Variants in GDAP2 observed in about 807,000 individuals in gnomAD.
The protein encoded by GDAP2 is ganglioside induced differentiation associated protein 2, also known as ganglioside-induced differentiation-associated protein 2.
Under a neutral mutation model 67.0 loss-of-function variants are expected in GDAP2, and 51 were observed. The ratio of observed to expected loss-of-function variants is 0.76; its 90% CI spans 0.61 to 0.96. GDAP2 has a LOEUF of 0.96. GDAP2 is among the 40% of genes least tolerant of loss of function. The pLI is 0.00. For synonymous variants in GDAP2, 203 were observed against 207.3 expected (o/e 0.98, Z 0.18); for missense variants, 547 against 588.3 (o/e 0.93, Z 0.73).
chr1:117,929,243 T>C (rs1353445621), intron 1 of GDAP2, among the ~76,000 whole-genome samples: 1 of 152,080 alleles, frequency 6.6e-6, no homozygotes, highest in African/African-American at 2.4e-5. Flanking sequence ...CTTTCACTTC[T>C]CGTAGAGACG....
intron 1 of GDAP2, among the ~76,000 whole-genome samples, chr1:117,927,599 G>C (rs545417948): frequency 6.6e-6 from 1 of 152,238 alleles, no homozygotes; most frequent in Non-Finnish European, 1.5e-5. Context: ...ATGAGGATAT[G>C]TGTGCATACC....
intron 3 of GDAP2, among the ~76,000 whole-genome samples, chr1:117,915,818 A>G (rs1241273841): frequency 6.6e-6 from 1 of 152,336 alleles, no homozygotes; most frequent in African/African-American, 2.4e-5. Context: ...ATTGATGCTT[A>G]GATACTAACT....
At chr1:117,876,468 C>G (rs575494945) in intron 13 of GDAP2, among the ~76,000 whole-genome samples, 82 of 152,280 alleles carry the variant, frequency 5.4e-4, no homozygotes, top group Admixed American at 1.0e-3. Context: ...TCCCTTACAG[C>G]AACAAAGAAA....
At chr1:117,874,839 G>A (rs1648400194) in intron 13 of GDAP2, among the ~76,000 whole-genome samples, 1 of 152,174 alleles carries the variant, frequency 6.6e-6, no homozygotes, top group Non-Finnish European at 1.5e-5. Flanking sequence ...GGTCATCCTT[G>A]TTACACCCTA....
chr1:117,911,391 A>G (rs1015611582), intron 5 of GDAP2, among the ~76,000 whole-genome samples: 17 of 152,204 alleles, frequency 1.1e-4, no homozygotes, highest in African/African-American at 3.6e-4. Context: ...TACAAATATG[A>G]TATCATGAAA....
chr1:117,886,632 G>T lies in GDAP2; in HGVS notation c.1052C>A (p.Thr351Lys). The change falls in exon 10 of 14, where the codon ACA (threonine) becomes AAA (lysine). Residue 351 changes from threonine (T) to lysine (K), a missense_variant. By Grantham distance (78) the Thr-to-Lys change is moderately conservative. Transcript: ENST00000369443. ...GTTTCTTCCAACTACCACCATCACT[G>T]TTCGACCACAGTTATCAACACCTAT... ...YQTGVDNCGRTVMVVVGRNIP... is the reference protein window; with the variant it reads ...YQTGVDNCGRKVMVVVGRNIP... The T allele has an allele frequency of 1.3e-6, 2 of 1,584,196 alleles. No individual in the cohort carries two copies. The highest frequency in any genetic ancestry group is 1.7e-6 in the Non-Finnish European group (2 of 1,153,178).
At chr1:117,892,088 C>G (rs192060684) in intron 8 of GDAP2, among the ~76,000 whole-genome samples, 1 of 152,242 alleles carries the variant, frequency 6.6e-6, no homozygotes, top group Admixed American at 6.6e-5. Context: ...TGCTGAGACA[C>G]TGGTCCTGTT....
chr1:117,907,879 G>T (rs1396127853), intron 5 of GDAP2, among the ~76,000 whole-genome samples: 1 of 152,052 alleles, frequency 6.6e-6, no homozygotes, highest in Non-Finnish European at 1.5e-5. Flanking sequence ...ACTACTTACA[G>T]GTTAAGATTC....
Position 117,878,122 on chromosome 1 carries a change from CAGAAAAGG to C in GDAP2, c.1325_1332del (p.Thr442SerfsTer27). On this transcript the variant is annotated frameshift_variant, in exon 13 of 14. Coordinates refer to ENST00000369443, the MANE Select transcript of GDAP2 (RefSeq NM_017686.4). LOFTEE classifies it high-confidence loss of function. The stretch of plus-strand genomic sequence containing the variant: ...TGGATTTTGTCCTTCAGTCCTGAGA[CAGAAAAGG>C]TGGTAAAAAACCATGTTGACACCTG... 6.3e-7 allele frequency: 1 copy of C among 1,599,238 alleles called. No homozygotes were observed. The highest frequency in any genetic ancestry group is 1.1e-5 in the South Asian group (1 of 88,428).
In GDAP2 at chr1:117,920,386, CA is replaced by C; in HGVS notation, c.-30del. On this transcript the variant is annotated 5_prime_UTR_variant, in exon 2 of 14. Transcript: ENST00000369443. ...ATGGGAACTTTGATTTGTCTTTTCCCAAAATCCTCAGCAATTCAATATTCAC... is the reference window on the plus strand; with the variant it reads ...ATGGGAACTTTGATTTGTCTTTTCCCAAATCCTCAGCAATTCAATATTCAC... 1.3e-6 allele frequency: 2 copies of C among 1,488,938 alleles called. No individual in the cohort carries two copies. Among genetic ancestry groups the C allele is most frequent in the Non-Finnish European group, 9.2e-7 (1 of 1,085,104 alleles). The allele number at this position is 1,488,938 out of a possible 1,614,324, so 92.2% of individuals were successfully genotyped here. A position where few individuals can be genotyped will look rare whatever the true frequency, so the allele number is the denominator to read the frequency against.
intron 1 of GDAP2, 143 bp from the exon 2 acceptor site, chr1:117,920,567 C>T (rs1314637668): frequency 2.1e-5 from 8 of 376,998 alleles, no homozygotes; most frequent in Non-Finnish European, 2.9e-5. Flanking sequence ...CCATTAAAAA[C>T]AATGGACAAC....
In GDAP2 at chr1:117,881,822, C is replaced by A; in HGVS notation, c.1302+1G>T. On this transcript the variant is annotated splice_donor_variant, in intron 12 of 13. Transcript: ENST00000369443. LOFTEE classifies it high-confidence loss of function. ...TTTAACCAAAGAGAAAAATACTGTA[C>A]CTTTGAACGAAATGTGGGATGTACA... is the stretch of plus-strand genomic sequence containing the variant. The A allele has an allele frequency of 6.6e-7, 1 of 1,507,490 alleles. No homozygotes were observed. The highest frequency in any genetic ancestry group is 9.2e-7 in the Non-Finnish European group (1 of 1,082,968). The allele number at this position is 1,507,490 out of a possible 1,614,324, so 93.4% of individuals were successfully genotyped here.
At chr1:117,883,681 T>G (rs1648749861) in intron 10 of GDAP2, 54 bp from the exon 11 acceptor site, 14 of 1,338,622 alleles carry the variant, frequency 1.0e-5, no homozygotes, top group Non-Finnish European at 1.4e-5. Context: ...GTAGTCTATT[T>G]CACAGAGACC....
intron 8 of GDAP2, among the ~76,000 whole-genome samples, chr1:117,888,651 A>C (rs1427400602): frequency 2.0e-5 from 3 of 152,156 alleles, no homozygotes; most frequent in Non-Finnish European, 4.4e-5. Context: ...CAAGACACCT[A>C]AATGTAGGAA....
chr1:117,903,154 GTGTT>G (rs1033662969), intron 6 of GDAP2, among the ~76,000 whole-genome samples: 5 of 152,080 alleles, frequency 3.3e-5, no homozygotes, highest in Non-Finnish European at 7.4e-5. Flanking sequence ...AGTTCTAACA[GTGTT>G]TGTTTGGTTT....
rs1344361312 is a variant in GDAP2 at position 117,878,060 on chromosome 1, T to A, written c.1395A>T (p.Ile465=). Residue 465 remains isoleucine, a synonymous_variant, in exon 13 of 14, where the codon ATA becomes ATT. Transcript: ENST00000369443. ...VDSLHQLFSA[I]SPEQIDFPPF... ...GAGGAAAGTCAATCTGTTCTGGTGA[T>A]ATGGCAGAAAACAGCTGGTGGAGGC... 1 of 1,611,952 alleles carries A rather than the reference T, an allele frequency of 6.2e-7. No homozygotes were observed. The highest frequency in any genetic ancestry group is 8.5e-7 in the Non-Finnish European group (1 of 1,178,228).
rs1648016298 is a variant in GDAP2, at chr1:117,865,123, C to A, written c.*5446G>T. On this transcript the variant is annotated 3_prime_UTR_variant, in exon 14 of 14. Transcript: ENST00000369443. ...ATCCTCAGCTGATTTGATACATGCA[C>A]ATGAAAGTTTGGGAAACACTAGTCC... is the stretch of plus-strand genomic sequence containing the variant. 6.6e-6 allele frequency: 1 copy of A among 152,148 alleles called. No homozygotes were observed. Among genetic ancestry groups the A allele is most frequent in the Non-Finnish European group, 1.5e-5 (1 of 68,026 alleles). 9.4% of individuals were successfully genotyped at this position (152,148 alleles called of 1,614,324 possible). A position where few individuals can be genotyped will look rare whatever the true frequency, so the allele number is the denominator to read the frequency against.
At chr1:117,873,881 C>T (rs1648371967) in intron 13 of GDAP2, among the ~76,000 whole-genome samples, 1 of 152,236 alleles carries the variant, frequency 6.6e-6, no homozygotes. Flanking sequence ...ATTATCACTA[C>T]CACTGCCCTA....
At chr1:117,898,406 G>A (rs753839977) in intron 7 of GDAP2, among the ~76,000 whole-genome samples, 25 of 152,134 alleles carry the variant, frequency 1.6e-4, no homozygotes, top group African/African-American at 2.2e-4. Flanking sequence ...TGCTTCCTAA[G>A]ATTTTGGCTT....
Sources: gnomAD v4.1 joint callset for allele counts (sites outside exome capture counted in the v4.1 genomes callset) on GRCh38, gnomAD v4.1.1 for gene constraint, MANE v1.5 for transcripts, NCBI Gene and HGNC (gene_info 2026-07-23, HGNC 2026-07-21) for gene names.